Variants in NCKAP5 observed in about 807,000 individuals in gnomAD.
The protein encoded by NCKAP5 is nck-associated protein 5.
NCKAP5 carries 92 observed loss-of-function variants against 167.0 expected under a neutral mutation model. The observed-to-expected ratio is 0.55, with a 90% CI of 0.47 to 0.66. The LOEUF (loss-of-function observed/expected upper bound fraction) is 0.66. Ranked by LOEUF, NCKAP5 falls within the 30% of genes least tolerant of loss-of-function variation. The pLI is 0.00. For synonymous variants in NCKAP5, 891 were observed against 877.4 expected, an observed-to-expected ratio of 1.02 and a Z score of -0.27; for missense variants, 2,378 against 2,315.0, an observed-to-expected ratio of 1.03 and a Z score of -0.56.
the NCKAP5 span, among the ~76,000 whole-genome samples, chr2:133,585,308 T>G: frequency 6.6e-6 from 1 of 152,236 alleles, no homozygotes; most frequent in African/African-American, 2.4e-5. Flanking sequence ...TGGAAAAAAC[T>G]ATTATCTCCA....
At position 133,378,294 on chromosome 2, in the gene NCKAP5, G is replaced by A. The variant is rs557597584; in HGVS notation, c.70-75184C>T. Among the ~76,000 whole-genome samples, 9 of 152,094 alleles carry A rather than the reference G, an allele frequency of 5.9e-5. No individual in the cohort carries two copies. The South Asian group carries it at 1.9e-3, about 32-fold the overall frequency. On this transcript the variant is annotated intron_variant, in intron 3 of 19. Coordinates refer to ENST00000409261, the MANE Select transcript of NCKAP5 (RefSeq NM_207363.3). ...AGACCAAAGAGATAAGATAAAGCAA[G>A]TCCATGGAATGAAAAAAAACTTCTA...
chr2:132,954,868 T>C (rs1007910913), intron 8 of NCKAP5: 3 of 327,536 alleles, frequency 9.2e-6, no homozygotes, highest in South Asian at 7.3e-5. Flanking sequence ...CATAATGACA[T>C]AGAATGGAAT....
intron 19 of NCKAP5, among the ~76,000 whole-genome samples, chr2:132,677,266 C>T (rs558138522): frequency 3.6e-4 from 55 of 152,120 alleles, no homozygotes; most frequent in Non-Finnish European, 6.2e-4. Flanking sequence ...AGACAAGATG[C>T]AAATACATTT....
At chr2:133,024,335 C>A (rs1249899818) in intron 6 of NCKAP5, among the ~76,000 whole-genome samples, 2 of 152,112 alleles carry the variant, frequency 1.3e-5, no homozygotes, top group Admixed American at 6.5e-5. Context: ...AACTATCAGA[C>A]CTTTACAAGA....
intron 3 of NCKAP5, among the ~76,000 whole-genome samples, chr2:133,509,931 G>T (rs137895130): frequency 6.6e-6 from 1 of 152,134 alleles, no homozygotes; most frequent in Non-Finnish European, 1.5e-5. Flanking sequence ...TAAGAACTCC[G>T]GAACATGTGG....
At chr2:132,752,810 CCGATT>C (rs1480366575) in intron 16 of NCKAP5, among the ~76,000 whole-genome samples, 10 of 152,100 alleles carry the variant, frequency 6.6e-5, no homozygotes, top group Non-Finnish European at 1.5e-4. Context: ...CCCAGGAGAG[CCGATT>C]TGTTATTCTA....
At chr2:132,839,569 T>C (rs892545041) in intron 11 of NCKAP5, among the ~76,000 whole-genome samples, 1 of 130,052 alleles carries the variant, frequency 7.7e-6, no homozygotes, top group Non-Finnish European at 1.5e-5. Flanking sequence ...AAGACCAGCC[T>C]GGGCAACATG....
At chr2:132,750,025 C>T (rs981394053) in intron 16 of NCKAP5, among the ~76,000 whole-genome samples, 25 of 152,102 alleles carry the variant, frequency 1.6e-4, no homozygotes, top group Non-Finnish European at 3.4e-4. Context: ...GAAACTGACG[C>T]AAAGGTTTGT....
intron 3 of NCKAP5, among the ~76,000 whole-genome samples, chr2:133,383,006 T>G (rs1686635881): frequency 6.6e-6 from 1 of 152,172 alleles, no homozygotes; most frequent in African/African-American, 2.4e-5. Flanking sequence ...ATGCTTAAAT[T>G]ATTATTCACA....
At chr2:132,998,336 G>A (rs976907041) in intron 6 of NCKAP5, among the ~76,000 whole-genome samples, 1 of 152,144 alleles carries the variant, frequency 6.6e-6, no homozygotes, top group Admixed American at 6.5e-5. Flanking sequence ...AGGAAAAAGT[G>A]GGGGTGGACA....
At chr2:133,648,962 T>C in the NCKAP5 span, among the ~76,000 whole-genome samples, 6 of 151,772 alleles carry the variant, frequency 4.0e-5, no homozygotes, top group African/African-American at 9.7e-5. Flanking sequence ...CTAACAGTTA[T>C]GTTTTGAAAA....
intron 5 of NCKAP5, among the ~76,000 whole-genome samples, chr2:133,192,585 G>A (rs2085274422): frequency 6.6e-6 from 1 of 151,700 alleles, no homozygotes; most frequent in Non-Finnish European, 1.5e-5. Flanking sequence ...TTAGAAAACG[G>A]GCAAAAAGAC....
At chr2:132,764,575 C>T (rs1174497285) in intron 16 of NCKAP5, among the ~76,000 whole-genome samples, 1 of 152,200 alleles carries the variant, frequency 6.6e-6, no homozygotes, top group African/African-American at 2.4e-5. Flanking sequence ...AGTATTACTA[C>T]AGGATCTGAA....
chr2:133,563,843 G>A (rs1209526703), intron 1 of NCKAP5, among the ~76,000 whole-genome samples: 1 of 152,072 alleles, frequency 6.6e-6, no homozygotes, highest in Non-Finnish European at 1.5e-5. Context: ...TTAAGAGTAT[G>A]CACTGTGGGG....
chr2:132,874,636 A>G (rs1280437613), intron 9 of NCKAP5, among the ~76,000 whole-genome samples: 1 of 152,174 alleles, frequency 6.6e-6, no homozygotes, highest in Non-Finnish European at 1.5e-5. Flanking sequence ...TGAAGTGTAG[A>G]GGTTGGAAAA....
chr2:133,196,117 C>T (rs111281347), intron 5 of NCKAP5, among the ~76,000 whole-genome samples: 83 of 152,200 alleles, frequency 5.5e-4, no homozygotes, highest in African/African-American at 1.9e-3. Context: ...TCACTATGCT[C>T]GTGTGTTGGT....
At chr2:132,774,197 G>A (rs1183639992) in intron 15 of NCKAP5, among the ~76,000 whole-genome samples, 1 of 152,168 alleles carries the variant, frequency 6.6e-6, no homozygotes, top group Non-Finnish European at 1.5e-5. Flanking sequence ...AAATTTTAGA[G>A]ATAACAGCTT....
At chr2:133,517,675 A>G in intron 2 of NCKAP5, 88 bp from the exon 3 acceptor site, 1 of 436,638 alleles carries the variant, frequency 2.3e-6, no homozygotes, top group Non-Finnish European at 4.0e-6. Flanking sequence ...CAAGCATTGA[A>G]GTCAAAAAAT....
rs551601601 is a variant in NCKAP5 at position 133,568,224 on chromosome 2, AG to A, written c.-139del. ...AATCCCAACAGTCTTACTTGTAGTT[AG>A]CTCTTCAGTCAACACATATCACAGT... On this transcript the variant is annotated 5_prime_UTR_variant, in exon 1 of 20. Transcript: ENST00000409261. 84 of 152,346 alleles carry A rather than the reference AG, an allele frequency of 5.5e-4. No homozygotes were observed. Among genetic ancestry groups the A allele is most frequent in the African/African-American group, 2.0e-3 (83 of 41,586 alleles). The allele number at this position is 152,346 out of a possible 1,614,324, so 9.4% of individuals were successfully genotyped here. A position where few individuals can be genotyped will look rare whatever the true frequency, so the allele number is the denominator to read the frequency against.
Sources: gnomAD v4.1 joint callset for allele counts (sites outside exome capture counted in the v4.1 genomes callset) on GRCh38, gnomAD v4.1.1 for gene constraint, MANE v1.5 for transcripts, NCBI Gene and HGNC (gene_info 2026-07-23, HGNC 2026-07-21) for gene names.